BBS4: variants seen among roughly 807,000 people sequenced by gnomAD.
BBS4 encodes BBSome complex member BBS4.
A neutral mutation model predicts 71.4 loss-of-function variants in BBS4; 58 were observed. The ratio of observed to expected loss-of-function variants is 0.81; its 90% CI spans 0.66 to 1.01. The LOEUF (loss-of-function observed/expected upper bound fraction) is 1.01. Ranked by LOEUF, BBS4 falls within the 50% of genes least tolerant of loss-of-function variation. The pLI, the probability that BBS4 is intolerant of heterozygous loss-of-function variation, is 0.00. For missense variants in BBS4, 660 were observed against 607.9 expected (o/e 1.09, Z -0.90); for synonymous variants, 228 against 216.8 (o/e 1.05, Z -0.46).
At chr15:72,710,840 G>C (rs1056447355) in intron 3 of BBS4, among the ~76,000 whole-genome samples, 3 of 151,478 alleles carry the variant, frequency 2.0e-5, no homozygotes, top group African/African-American at 7.3e-5. Flanking sequence ...GCCCAGGCTA[G>C]AGTGCAGTGG....
chr15:72,732,209 G>A (rs188607525), intron 12 of BBS4, among the ~76,000 whole-genome samples: 1 of 152,214 alleles, frequency 6.6e-6, no homozygotes, highest in East Asian at 1.9e-4. Context: ...TATATAATTG[G>A]TCTATTATTA....
chr15:72,717,079 A>G, intron 6 of BBS4: 1 of 541,930 alleles, frequency 1.8e-6, no homozygotes, highest in South Asian at 2.2e-5. Context: ...GTCTCTTACC[A>G]GTCTGATTCT....
chr15:72,734,028 GT>G (rs2065876444), intron 12 of BBS4, among the ~76,000 whole-genome samples: 2 of 152,196 alleles, frequency 1.3e-5, no homozygotes, highest in African/African-American at 4.8e-5. Flanking sequence ...CAGTGATAGA[GT>G]TTTTCATATG....
chr15:72,702,802 C>CTTTTTTTTTTTTTTTTTTTTTTTTTTTTT (rs59816410), intron 2 of BBS4, among the ~76,000 whole-genome samples: 1 of 73,494 alleles, frequency 1.4e-5, no homozygotes, highest in South Asian at 7.8e-4. Flanking sequence ...GGAGCTGACT[C>CTTTTTTTTTTTTTTTTTTTTTTTTTTTTT]TTTTTTTTTT....
At chr15:72,727,880 C>A in intron 8 of BBS4, 60 bp from the exon 9 acceptor site, 2 of 1,243,138 alleles carry the variant, frequency 1.6e-6, no homozygotes, top group Non-Finnish European at 2.4e-6. Context: ...TATTACTGTG[C>A]ATGTGTCTTC....
chr15:72,728,054 G>A (rs2065736848), intron 9 of BBS4, 60 bp downstream of exon 9: 11 of 1,269,026 alleles, frequency 8.7e-6, no homozygotes, highest in South Asian at 1.2e-5. Flanking sequence ...GGGTTTGTGT[G>A]TATGGTGGTT....
chr15:72,688,411 C>CTTTTT (rs58644289), intron 1 of BBS4, among the ~76,000 whole-genome samples: 42,965 of 82,482 alleles, frequency 0.52, 14,596 homozygotes, highest in South Asian at 0.68. Context: ...GGTATTTTAT[C>CTTTTT]TTTTTTTTTT....
rs528593548 is a variant in BBS4 at position 72,696,738 on chromosome 15, G to A, written c.76+1510G>A. Among the ~76,000 whole-genome samples the A allele has an allele frequency of 8.6e-5, 13 of 151,866 alleles. No individual in the cohort carries two copies. The South Asian group carries it at 1.2e-3, about 15-fold the overall frequency. On this transcript the variant is annotated intron_variant, in intron 2 of 15. Coordinates refer to ENST00000268057, the MANE Select transcript of BBS4 (RefSeq NM_033028.5). ...GTAGCTGGGTCTACAGGTGCATGCC[G>A]CCATGCCTGGCTAATTTTTATGTAT...
At chr15:72,700,412 A>G (rs1010523700) in intron 2 of BBS4, among the ~76,000 whole-genome samples, 12 of 152,230 alleles carry the variant, frequency 7.9e-5, no homozygotes, top group African/African-American at 2.9e-4. Context: ...ACCGCCAGCA[A>G]CGTGTGAGGA....
rs1567436770 is a variant in BBS4 at position 72,737,849 on chromosome 15, G to A, written c.*262G>A. On this transcript the variant is annotated 3_prime_UTR_variant, in exon 16 of 16. Transcript: ENST00000268057. Reference sequence around the variant, plus strand: ...TTAAGAACTGGCAGCAAGGCTTGAGGCCTTATGTATGTAGCTGAGTCAGCA... The same window carrying A: ...TTAAGAACTGGCAGCAAGGCTTGAGACCTTATGTATGTAGCTGAGTCAGCA... The A allele has an allele frequency of 2.0e-6, 1 of 500,090 alleles. No individual in the cohort carries two copies. The highest frequency in any genetic ancestry group is 2.3e-5 in the Admixed American group (1 of 43,852). The allele number at this position is 500,090 out of a possible 1,614,324, so 31.0% of individuals were successfully genotyped here.
At chr15:72,715,439 C>T in intron 5 of BBS4, 37 bp downstream of exon 5, 1 of 1,418,430 alleles carries the variant, frequency 7.1e-7, no homozygotes, top group Non-Finnish European at 1.0e-6. Context: ...AGGGCACTCA[C>T]AGAGAACAGT....
chr15:72,737,084 A>C, intron 15 of BBS4, 121 bp downstream of exon 15: 1 of 1,242,576 alleles, frequency 8.0e-7, no homozygotes, highest in East Asian at 2.4e-5. Context: ...AGTATTGGCC[A>C]CAAGGGGAGA....
chr15:72,722,675 G>T lies in BBS4; in HGVS notation c.406-119G>T. On this transcript the variant is annotated intron_variant, in intron 6 of 15. Coordinates refer to ENST00000268057, the MANE Select transcript of BBS4 (RefSeq NM_033028.5). ...ACTCTAATAAAAAGCTGACTGTAAT[G>T]CATAGTTTAAAGTTTAAACCTTGCC... is the stretch of plus-strand genomic sequence containing the variant. The T allele has an allele frequency of 2.4e-6, 2 of 845,858 alleles. 1 individual carries two copies. The highest frequency in any genetic ancestry group is 2.8e-5 in the South Asian group (2 of 71,334). The allele number at this position is 845,858 out of a possible 1,614,324, so 52.4% of individuals were successfully genotyped here.
chr15:72,706,415 C>T (rs1024800292), intron 2 of BBS4, among the ~76,000 whole-genome samples: 5 of 152,118 alleles, frequency 3.3e-5, no homozygotes, highest in African/African-American at 1.2e-4. Flanking sequence ...GGATTACAGG[C>T]GTGAGTCACC....
At chr15:72,703,634 C>T (rs913574381) in intron 2 of BBS4, among the ~76,000 whole-genome samples, 2 of 152,230 alleles carry the variant, frequency 1.3e-5, no homozygotes, top group East Asian at 1.9e-4. Flanking sequence ...ATAACTTGCC[C>T]TAGGCCCCAT....
intron 2 of BBS4, among the ~76,000 whole-genome samples, chr15:72,704,230 G>A (rs914862139): frequency 3.9e-5 from 6 of 152,112 alleles, no homozygotes; most frequent in African/African-American, 1.4e-4. Context: ...TCTTCATCTC[G>A]TCAGCTGGCT....
rs779876012 is a variant in BBS4 at position 72,736,860 on chromosome 15, C to T, written c.1347C>T (p.Thr449=). ...PVKDPKSKHQ[T]TSTSKPASFQ... is the part of the protein sequence containing the mutation. ...AAGATCCCAAATCAAAGCACCAGAC[C>T]ACTTCAACCAGCAAACCTGCCAGTT... Residue 449 remains threonine, a synonymous_variant, in exon 15 of 16, where the codon ACC becomes ACT. Transcript: ENST00000268057. The T allele has an allele frequency of 6.2e-7, 1 of 1,614,176 alleles. No homozygotes were observed. Among genetic ancestry groups the T allele is most frequent in the Non-Finnish European group, 8.5e-7 (1 of 1,180,024 alleles).
chr15:72,689,261 C>T (rs2064938081), intron 1 of BBS4, among the ~76,000 whole-genome samples: 1 of 152,136 alleles, frequency 6.6e-6, no homozygotes, highest in Admixed American at 6.5e-5. Flanking sequence ...TCTAAGAAGG[C>T]TACAGTCAAG....
At chr15:72,689,819 T>C (rs564153425) in intron 1 of BBS4, among the ~76,000 whole-genome samples, 1 of 151,052 alleles carries the variant, frequency 6.6e-6, no homozygotes, top group South Asian at 2.1e-4. Context: ...TTTATTTATT[T>C]ATTTATTTTG....
Sources: gnomAD v4.1 joint callset for allele counts (sites outside exome capture counted in the v4.1 genomes callset) on GRCh38, gnomAD v4.1.1 for gene constraint, MANE v1.5 for transcripts, NCBI Gene and HGNC (gene_info 2026-07-23, HGNC 2026-07-21) for gene names.